Variants in BBS9 observed in about 807,000 individuals in gnomAD.
BBS9 encodes Bardet-Biedl syndrome 9, also known as protein PTHB1.
BBS9 carries 89 observed loss-of-function variants against 117.7 expected under a neutral mutation model. That is an observed-to-expected ratio of 0.76 (90% confidence interval 0.64 to 0.90). The LOEUF (loss-of-function observed/expected upper bound fraction) is 0.90, where lower values mean the gene tolerates loss of function less well. Ranked by LOEUF, BBS9 falls within the 40% of genes least tolerant of loss-of-function variation. The pLI is 0.00. For synonymous variants in BBS9, 379 were observed against 370.9 expected, an observed-to-expected ratio of 1.02 and a Z score of -0.25; for missense variants, 982 against 1,042.2, an observed-to-expected ratio of 0.94 and a Z score of 0.80.
At chr7:33,413,650 G>A (rs956382508) in intron 19 of BBS9, among the ~76,000 whole-genome samples, 14 of 151,778 alleles carry the variant, frequency 9.2e-5, no homozygotes, top group African/African-American at 2.7e-4. Flanking sequence ...CAACAGTTGC[G>A]TGTAAAAAAA....
chr7:33,486,793 T>TG (rs1042675166), intron 19 of BBS9, among the ~76,000 whole-genome samples: 14 of 152,210 alleles, frequency 9.2e-5, no homozygotes, highest in Non-Finnish European at 4.4e-5. Flanking sequence ...GAGGTGACCC[T>TG]GGTAGCCATT....
chr7:33,205,117 A>G (rs1348139139), intron 5 of BBS9, among the ~76,000 whole-genome samples: 2 of 152,198 alleles, frequency 1.3e-5, no homozygotes, highest in Non-Finnish European at 2.9e-5. Context: ...CCTCTTAGAA[A>G]TAAGGATCAA....
chr7:33,490,238 G>T (rs1466981487), intron 19 of BBS9, among the ~76,000 whole-genome samples: 1 of 152,124 alleles, frequency 6.6e-6, no homozygotes, highest in Non-Finnish European at 1.5e-5. Flanking sequence ...GACATTTCAA[G>T]AAAAGATCTG....
In BBS9 at chr7:33,270,505, T is replaced by A. The variant is rs183899464; in HGVS notation, c.703-2507T>A. ...AAGAGCTGACAGACGAAATAGCCAG[T>A]ATAGAAAGAACTTAACTGGACCTGA... On this transcript the variant is annotated intron_variant, in intron 7 of 22. Coordinates refer to ENST00000242067, the MANE Select transcript of BBS9 (RefSeq NM_198428.3). Among the ~76,000 whole-genome samples, 574 of 152,194 alleles carry A rather than the reference T, an allele frequency of 3.8e-3. 6 individuals carry two copies. Among genetic ancestry groups the A allele is most frequent in the African/African-American group, 0.013 (544 of 41,550 alleles).
chr7:33,224,042 TATA>T (rs1236006029), intron 5 of BBS9, among the ~76,000 whole-genome samples: 1 of 152,210 alleles, frequency 6.6e-6, no homozygotes, highest in Non-Finnish European at 1.5e-5. Context: ...ATGTGGTAAA[TATA>T]ATATTTACTT....
chr7:33,315,588 G>A (rs990054183), intron 9 of BBS9, among the ~76,000 whole-genome samples: 5 of 152,128 alleles, frequency 3.3e-5, no homozygotes, highest in African/African-American at 1.2e-4. Context: ...CATATTTGCA[G>A]TCTACCACAC....
chr7:33,410,566 C>G (rs114230247), intron 19 of BBS9, among the ~76,000 whole-genome samples: 1,677 of 152,316 alleles, frequency 0.011, 17 homozygotes, highest in African/African-American at 0.038. Context: ...ATGTCTCCCT[C>G]ATTGTCTCAC....
intron 21 of BBS9, among the ~76,000 whole-genome samples, chr7:33,581,623 T>A (rs1859930379): frequency 6.6e-6 from 1 of 152,166 alleles, no homozygotes; most frequent in African/African-American, 2.4e-5. Context: ...AAGTTAGAAG[T>A]ATCACCTGCC....
chr7:33,516,266 A>T (rs1324467249), intron 20 of BBS9, among the ~76,000 whole-genome samples: 9 of 151,478 alleles, frequency 5.9e-5, no homozygotes. Flanking sequence ...TGTGGCGGGT[A>T]GATCATGAGG....
intron 9 of BBS9, 113 bp downstream of exon 9, chr7:33,274,069 T>C: frequency 1.8e-6 from 2 of 1,114,258 alleles, no homozygotes; most frequent in Non-Finnish European, 2.7e-6. Flanking sequence ...GGTGACATTG[T>C]AGTATGAATG....
intron 20 of BBS9, among the ~76,000 whole-genome samples, chr7:33,524,392 G>A (rs1202108651): frequency 6.6e-6 from 1 of 152,208 alleles, no homozygotes. Context: ...ACTCTTTTTG[G>A]TTGGTAAACT....
chr7:33,286,050 C>A (rs1228052060), intron 9 of BBS9, among the ~76,000 whole-genome samples: 1 of 151,958 alleles, frequency 6.6e-6, no homozygotes, highest in Non-Finnish European at 1.5e-5. Context: ...TTTAGAAACA[C>A]TGTATAGCCA....
At chr7:33,536,214 T>A (rs1370528411) in intron 21 of BBS9, among the ~76,000 whole-genome samples, 4 of 152,072 alleles carry the variant, frequency 2.6e-5, no homozygotes, top group Admixed American at 1.3e-4. Flanking sequence ...TCAGGCTGTG[T>A]GCATGGGCAA....
chr7:33,527,978 AC>A (rs1167079409), intron 20 of BBS9, among the ~76,000 whole-genome samples: 4 of 152,134 alleles, frequency 2.6e-5, no homozygotes, highest in African/African-American at 9.7e-5. Flanking sequence ...GTTTACAATA[AC>A]CCATTATACG....
At chr7:33,542,773 G>GTA (rs112830674) in intron 21 of BBS9, among the ~76,000 whole-genome samples, 17,038 of 133,318 alleles carry the variant, frequency 0.13, 1,313 homozygotes, top group African/African-American at 0.19. Context: ...GTATATGTGA[G>GTA]TATATATATA....
rs2129214513 is a variant in BBS9 at position 33,611,613 on chromosome 7, ATAT to A, written c.2522-23561_2522-23559del. Among the ~76,000 whole-genome samples, 2 of 136,778 alleles carry A rather than the reference ATAT, an allele frequency of 1.5e-5. 1 individual carries two copies. The highest frequency in any genetic ancestry group is 4.4e-4 in the South Asian group (2 of 4,590). 89.7% of individuals were successfully genotyped at this position (136,778 alleles called of 152,430 possible). A position where few individuals can be genotyped will look rare whatever the true frequency, so the allele number is the denominator to read the frequency against. On this transcript the variant is annotated intron_variant, in intron 21 of 21. Coordinates refer to the BBS9 transcript ENST00000671952. The stretch of plus-strand genomic sequence containing the variant: ...TATAATAATATTATTTAATTAATTA[ATAT>A]TAATTATTTAATAATATTATTATAT...
intron 20 of BBS9, among the ~76,000 whole-genome samples, chr7:33,507,761 C>T (rs10251071): frequency 0.012 from 1,861 of 152,214 alleles, 44 homozygotes; most frequent in African/African-American, 0.043. Context: ...CATGAGGAAG[C>T]GGGTCAGGGC....
At chr7:33,167,675 A>G (rs1258441563) in intron 4 of BBS9, among the ~76,000 whole-genome samples, 1 of 152,126 alleles carries the variant, frequency 6.6e-6, no homozygotes, top group African/African-American at 2.4e-5. Flanking sequence ...CTGGGAGTAC[A>G]AGCATGAGCC....
chr7:33,337,017 A>G (rs1010943253), intron 10 of BBS9, among the ~76,000 whole-genome samples: 1 of 152,166 alleles, frequency 6.6e-6, no homozygotes, highest in East Asian at 1.9e-4. Context: ...AAAAGAAACC[A>G]AAGCACATGA....
Sources: allele counts gnomAD v4.1 joint callset (sites outside exome capture counted in the v4.1 genomes callset), GRCh38; gene constraint gnomAD v4.1.1; transcripts MANE v1.5; gene names NCBI Gene and HGNC (gene_info 2026-07-23, HGNC 2026-07-21).